HABP2: variants seen among roughly 807,000 people sequenced by gnomAD.
HABP2 encodes the protein hyaluronan binding protein 2, also known as factor VII-activating protease.
Under a neutral mutation model 66.5 loss-of-function variants are expected in HABP2, and 65 were observed. The observed-to-expected ratio is 0.98, with a 90% CI of 0.80 to 1.20. HABP2 has a LOEUF of 1.20. HABP2 is among the 50% of genes most tolerant of loss of function. The pLI is 0.00. For missense variants in HABP2, 786 were observed against 691.0 expected, an observed-to-expected ratio of 1.14 and a Z score of -1.54; for synonymous variants, 263 against 253.9, an observed-to-expected ratio of 1.04 and a Z score of -0.34.
intron 12 of HABP2, 105 bp from the exon 13 acceptor site, chr10:113,588,099 CA>C: frequency 1.2e-6 from 1 of 855,136 alleles, no homozygotes. Flanking sequence ...CGGAGGCTGG[CA>C]AGGGACTCCA....
At chr10:113,575,858 C>A in intron 3 of HABP2, 39 bp from the exon 4 acceptor site, 1 of 1,223,350 alleles carries the variant, frequency 8.2e-7, no homozygotes, top group Non-Finnish European at 1.2e-6. Flanking sequence ...TCTCACCTGC[C>A]TTTCCTTACC....
intron 5 of HABP2, 60 bp from the exon 6 acceptor site, chr10:113,577,966 T>C (rs944021837): frequency 6.3e-7 from 1 of 1,588,018 alleles, no homozygotes; most frequent in South Asian, 1.1e-5. Context: ...CCTTGTCATC[T>C]CAGACATGGG....
Position 113,556,555 on chromosome 10 carries a change from T to A in HABP2, c.69+3365T>A, listed in dbSNP as rs534971985. 1.0e-3 allele frequency among the ~76,000 whole-genome samples: 158 copies of A among 151,800 alleles called. 1 individual carries two copies. Among genetic ancestry groups the A allele is most frequent in the African/African-American group, 3.6e-3 (149 of 41,418 alleles). ...AAGACTCTGTCTCTATCAAAAAAAA[T>A]TTTTTTTAAATTAAGCGGGTGTGGT... On this transcript the variant is annotated intron_variant, in intron 1 of 12. Coordinates refer to ENST00000351270, the MANE Select transcript of HABP2 (RefSeq NM_004132.5).
At chr10:113,567,829 G>A (rs1426899438) in intron 2 of HABP2, among the ~76,000 whole-genome samples, 1 of 152,172 alleles carries the variant, frequency 6.6e-6, no homozygotes, top group African/African-American at 2.4e-5. Context: ...TTTACTCCTG[G>A]CCACACAGCG....
intron 8 of HABP2, among the ~76,000 whole-genome samples, chr10:113,581,234 C>T (rs1399677381): frequency 6.6e-6 from 1 of 152,164 alleles, no homozygotes; most frequent in East Asian, 1.9e-4. Context: ...CATATCTGTT[C>T]TTGTCCATAT....
chr10:113,562,381 G>A (rs1358806901), intron 1 of HABP2, among the ~76,000 whole-genome samples: 4 of 151,378 alleles, frequency 2.6e-5, no homozygotes, highest in Non-Finnish European at 4.4e-5. Flanking sequence ...TTCTCCAGCT[G>A]TCACTGGGGC....
chr10:113,584,373 T>C (rs1592701418), intron 11 of HABP2, 91 bp downstream of exon 11: 1 of 1,055,750 alleles, frequency 9.5e-7, no homozygotes, highest in Non-Finnish European at 1.5e-6. Context: ...GAAGTTGAAA[T>C]GAGTGTCATA....
intron 6 of HABP2, 80 bp downstream of exon 6, chr10:113,578,225 G>C: frequency 8.0e-6 from 12 of 1,493,944 alleles, no homozygotes; most frequent in Non-Finnish European, 1.1e-5. Context: ...GCCAGAATGT[G>C]GTTCAAATCA....
At position 113,567,493 on chromosome 10, in the gene HABP2, C is replaced by G. The variant is rs375773980; in HGVS notation, c.74C>G (p.Ser25Cys). Residue 25 changes from serine (S) to cysteine (C), a missense_variant, in exon 2 of 13, where the codon TCC becomes TGC. Ser to Cys is a moderately radical substitution (Grantham distance 112). Transcript: ENST00000351270. ...ALVGKTACGF[S>C]LMSLLESLDP... is the part of the protein sequence containing the mutation. ...CTGTGTTGTTTTGTTTTTCAGTTCT[C>G]CCTGATGTCTTTATTGGAAAGCCTG... 23 of 1,612,276 alleles carry G rather than the reference C, an allele frequency of 1.4e-5. No homozygotes were observed. Among genetic ancestry groups the G allele is most frequent in the Non-Finnish European group, 1.9e-5 (22 of 1,178,298 alleles).
rs1845810557 is a variant in HABP2 at position 113,589,509 on chromosome 10, T to G, written c.*1140T>G. The stretch of plus-strand genomic sequence containing the variant: ...CCTGCGTGTCATCTGCCTGGTCATC[T>G]CAGACCCATGAAATTAGGCGCCTTG... On this transcript the variant is annotated 3_prime_UTR_variant, in exon 13 of 13. Coordinates refer to ENST00000351270, the MANE Select transcript of HABP2 (RefSeq NM_004132.5). 6 of 815,278 alleles carry G rather than the reference T, an allele frequency of 7.4e-6. No homozygotes were observed. Among genetic ancestry groups the G allele is most frequent in the Non-Finnish European group, 1.1e-5 (6 of 522,490 alleles). 50.5% of individuals were successfully genotyped at this position (815,278 alleles called of 1,614,324 possible). A position where few individuals can be genotyped will look rare whatever the true frequency, so the allele number is the denominator to read the frequency against.
At chr10:113,572,556 C>T (rs1845332680) in intron 2 of HABP2, 1 of 307,824 alleles carries the variant, frequency 3.2e-6, no homozygotes, top group South Asian at 2.7e-5. Flanking sequence ...CTTATCAAAC[C>T]CCATTGTCTC....
chr10:113,551,429 G>A (rs1754087826), upstream of HABP2, among the ~76,000 whole-genome samples: 1 of 152,206 alleles, frequency 6.6e-6, no homozygotes, highest in South Asian at 2.1e-4. Context: ...GCTCAGGAGT[G>A]AGCAGGGTTC....
chr10:113,578,897 T>C (rs1195267938), intron 7 of HABP2, 99 bp downstream of exon 7: 7 of 819,050 alleles, frequency 8.5e-6, no homozygotes, highest in Non-Finnish European at 1.4e-5. Flanking sequence ...ATTTTCTTAC[T>C]CAGCAAGGCA....
intron 12 of HABP2, 73 bp downstream of exon 12, chr10:113,586,011 G>C (rs1472224193): frequency 4.4e-6 from 6 of 1,378,438 alleles, no homozygotes; most frequent in Admixed American, 1.7e-5. Flanking sequence ...GACCCTTAGA[G>C]CCCTGGGCTG....
At chr10:113,570,173 T>C (rs1281999328) in intron 2 of HABP2, 4 of 152,224 alleles carry the variant, frequency 2.6e-5, no homozygotes, top group Admixed American at 6.5e-5. Context: ...TGGGTTATGA[T>C]GTCATCTCAT....
chr10:113,576,518 G>A (rs1438885959), intron 4 of HABP2, among the ~76,000 whole-genome samples: 1 of 152,162 alleles, frequency 6.6e-6, no homozygotes, highest in African/African-American at 2.4e-5. Context: ...TCTGCTGCCA[G>A]TGAACTCTTG....
Position 113,589,290 on chromosome 10 carries a change from T to C in HABP2, c.*921T>C, listed in dbSNP as rs1320141512. ...CAATCTCTCATTTAGACCTGGCTTCTTTCTTCTGAACAAAGTAGGGTTCAA... is the reference window on the plus strand; with the variant it reads ...CAATCTCTCATTTAGACCTGGCTTCCTTCTTCTGAACAAAGTAGGGTTCAA... On this transcript the variant is annotated 3_prime_UTR_variant, in exon 13 of 13. Transcript: ENST00000351270. The C allele has an allele frequency of 1.0e-5, 6 of 585,770 alleles. No individual in the cohort carries two copies. The highest frequency in any genetic ancestry group is 1.8e-5 in the Non-Finnish European group (6 of 331,898). 36.3% of individuals were successfully genotyped at this position (585,770 alleles called of 1,614,324 possible). A position where few individuals can be genotyped will look rare whatever the true frequency, so the allele number is the denominator to read the frequency against.
At chr10:113,580,243 A>T (rs1398820127) in intron 7 of HABP2, among the ~76,000 whole-genome samples, 6 of 152,068 alleles carry the variant, frequency 3.9e-5, no homozygotes, top group East Asian at 1.9e-4. Flanking sequence ...AGGCAGAGGA[A>T]CCCAACTCTC....
Position 113,583,208 on chromosome 10 carries a change from C to G in HABP2, c.1095-8C>G. On this transcript the variant is annotated splice_region_variant and splice_polypyrimidine_tract_variant and intron_variant, in intron 9 of 12. Transcript: ENST00000351270. Reference sequence around the variant, plus strand: ...GTGCCTTCCTGACCATCTCATTTTCCCTTGCAGCATAAAAACCAGACATCT... The same window carrying G: ...GTGCCTTCCTGACCATCTCATTTTCGCTTGCAGCATAAAAACCAGACATCT... The G allele has an allele frequency of 6.2e-7, 1 of 1,613,442 alleles. No homozygotes were observed. The highest frequency in any genetic ancestry group is 8.5e-7 in the Non-Finnish European group (1 of 1,179,676).
Sources: gnomAD v4.1 joint callset for allele counts (sites outside exome capture counted in the v4.1 genomes callset) on GRCh38, gnomAD v4.1.1 for gene constraint, MANE v1.5 for transcripts, NCBI Gene and HGNC (gene_info 2026-07-23, HGNC 2026-07-21) for gene names.